Variants in ABTB2 observed in about 807,000 individuals in gnomAD.
ABTB2 encodes the protein ankyrin repeat and BTB domain containing 2.
A neutral mutation model predicts 104.1 loss-of-function variants in ABTB2; 56 were observed. The observed-to-expected ratio is 0.54, with a 90% CI of 0.43 to 0.67. The LOEUF (loss-of-function observed/expected upper bound fraction) is 0.67, where lower values mean the gene tolerates loss of function less well. Ranked by LOEUF, ABTB2 falls within the 30% of genes least tolerant of loss-of-function variation. The pLI, the probability that ABTB2 is intolerant of heterozygous loss-of-function variation, is 0.00. For synonymous variants in ABTB2, 606 were observed against 608.2 expected (o/e 1.00, Z 0.05); for missense variants, 1,279 against 1,407.7 (o/e 0.91, Z 1.46).
chr11:34,234,606 T>C (rs6484702), intron 1 of ABTB2, among the ~76,000 whole-genome samples: 42,622 of 152,068 alleles, frequency 0.28, 6,420 homozygotes, highest in Non-Finnish European at 0.35. Context: ...CAGCTCTGGC[T>C]CCGCCTCTCA....
At position 34,297,926 on chromosome 11, in the gene ABTB2, G is replaced by C. The variant is rs1007996527; in HGVS notation, c.883+58775C>G. 4.6e-5 allele frequency among the ~76,000 whole-genome samples: 7 copies of C among 151,954 alleles called. No individual in the cohort carries two copies. The East Asian group carries it at 5.8e-4, about 13-fold the overall frequency. ...GGGGATTAAGGCCCTTATAAAAGAG[G>C]CTTCCCAGGGACATTGGGCTATCCT... On this transcript the variant is annotated intron_variant, in intron 1 of 16. Coordinates refer to ENST00000435224, the MANE Select transcript of ABTB2 (RefSeq NM_145804.3).
chr11:34,282,882 T>C (rs952558930), intron 1 of ABTB2, among the ~76,000 whole-genome samples: 14 of 151,390 alleles, frequency 9.2e-5, no homozygotes, highest in Non-Finnish European at 1.9e-4. Context: ...CTATGTTGAA[T>C]GCATTAGTTA....
chr11:34,171,855 G>A (rs1429862937), intron 4 of ABTB2, among the ~76,000 whole-genome samples: 1 of 152,174 alleles, frequency 6.6e-6, no homozygotes, highest in Non-Finnish European at 1.5e-5. Flanking sequence ...CCAAAGAGAT[G>A]GTAGAGAGTA....
intron 1 of ABTB2, among the ~76,000 whole-genome samples, chr11:34,304,876 C>T (rs966222497): frequency 6.6e-6 from 1 of 152,230 alleles, no homozygotes; most frequent in Non-Finnish European, 1.5e-5. Context: ...GGCTGCCACT[C>T]TCTTCCAAGG....
chr11:34,285,478 A>T (rs1854494482), intron 1 of ABTB2, among the ~76,000 whole-genome samples: 1 of 152,136 alleles, frequency 6.6e-6, no homozygotes, highest in Non-Finnish European at 1.5e-5. Context: ...AGGCCTTCTT[A>T]ACCACAAAGG....
At chr11:34,235,938 T>C (rs548946266) in intron 1 of ABTB2, among the ~76,000 whole-genome samples, 3 of 152,320 alleles carry the variant, frequency 2.0e-5, no homozygotes, top group South Asian at 2.1e-4. Context: ...GACAGCTGTG[T>C]GGTCTGGGCA....
At chr11:34,311,707 T>C (rs1327989314) in intron 1 of ABTB2, among the ~76,000 whole-genome samples, 1 of 152,232 alleles carries the variant, frequency 6.6e-6, no homozygotes. Flanking sequence ...CCCCAGTTAC[T>C]AGTATTCTTT....
chr11:34,295,047 G>A (rs1015807616), intron 1 of ABTB2, among the ~76,000 whole-genome samples: 84 of 152,142 alleles, frequency 5.5e-4, no homozygotes, highest in Non-Finnish European at 2.2e-4. Context: ...AGCCAGGCAT[G>A]GAGGTGCAAG....
intron 1 of ABTB2, among the ~76,000 whole-genome samples, chr11:34,247,578 A>G (rs931746697): frequency 2.6e-5 from 4 of 152,232 alleles, no homozygotes; most frequent in African/African-American, 9.6e-5. Context: ...ATTTTGATTT[A>G]TATTTTCAAT....
At chr11:34,210,452 A>G (rs776395139) in intron 1 of ABTB2, among the ~76,000 whole-genome samples, 3 of 152,148 alleles carry the variant, frequency 2.0e-5, no homozygotes, top group Admixed American at 6.5e-5. Flanking sequence ...ATACACACAC[A>G]CAACTTTAAA....
chr11:34,346,832 C>T (rs766801070), intron 1 of ABTB2, among the ~76,000 whole-genome samples: 32 of 152,126 alleles, frequency 2.1e-4, no homozygotes, highest in Non-Finnish European at 4.1e-4. Context: ...TGGATTGTTC[C>T]GGATGCTTGT....
At chr11:34,280,752 T>A (rs933696720) in intron 1 of ABTB2, among the ~76,000 whole-genome samples, 7 of 152,148 alleles carry the variant, frequency 4.6e-5, no homozygotes, top group Admixed American at 4.6e-4. Flanking sequence ...AAGTATCTAA[T>A]CCCTGTTTAA....
At chr11:34,349,145 T>C (rs949882066) in intron 1 of ABTB2, among the ~76,000 whole-genome samples, 4 of 152,212 alleles carry the variant, frequency 2.6e-5, no homozygotes, top group Non-Finnish European at 4.4e-5. Flanking sequence ...TGTGTTTACA[T>C]GACAGGCCAG....
At position 34,160,772 on chromosome 11, in the gene ABTB2, C is replaced by T. The variant is rs566211081; in HGVS notation, c.2397+131G>A. The T allele has an allele frequency of 1.5e-4, 146 of 954,142 alleles. No individual in the cohort carries two copies. In the African/African-American group the frequency reaches 2.1e-3, roughly 14 times the overall value. The allele number at this position is 954,142 out of a possible 1,614,324, so 59.1% of individuals were successfully genotyped here. ...GGGGTCCCTGGGTGCTGAGGGCAGG[C>T]GTGTGAGTGTGTGTGCGTTGGGTGA... On this transcript the variant is annotated intron_variant, in intron 11 of 16. Transcript: ENST00000435224.
chr11:34,297,671 C>T (rs1854637192), intron 1 of ABTB2, among the ~76,000 whole-genome samples: 1 of 148,126 alleles, frequency 6.8e-6, no homozygotes, highest in South Asian at 2.1e-4. Flanking sequence ...GAGGCTGAGG[C>T]AGAAGAATTG....
intron 1 of ABTB2, among the ~76,000 whole-genome samples, chr11:34,215,949 T>TA (rs557784648): frequency 2.0e-5 from 3 of 151,790 alleles, no homozygotes; most frequent in Non-Finnish European, 4.4e-5. Context: ...CACAGTGATT[T>TA]AAAAAAAAAT....
chr11:34,268,023 C>T (rs1464589126), intron 1 of ABTB2, among the ~76,000 whole-genome samples: 7 of 152,272 alleles, frequency 4.6e-5, no homozygotes, highest in African/African-American at 7.2e-5. Context: ...CTCTGCTTCC[C>T]GGGCTGAAGT....
intron 1 of ABTB2, among the ~76,000 whole-genome samples, chr11:34,266,911 C>A (rs938945052): frequency 5.3e-5 from 8 of 150,298 alleles, no homozygotes; most frequent in Non-Finnish European, 8.9e-5. Flanking sequence ...GATAAATGGA[C>A]ACAACAGTCC....
chr11:34,311,200 C>T (rs1435664238), intron 1 of ABTB2, among the ~76,000 whole-genome samples: 2 of 152,208 alleles, frequency 1.3e-5, no homozygotes, highest in East Asian at 1.9e-4. Context: ...GCTTGTCAGG[C>T]CCCGGAAGGG....
Sources: gnomAD v4.1 joint callset for allele counts (sites outside exome capture counted in the v4.1 genomes callset) on GRCh38, gnomAD v4.1.1 for gene constraint, MANE v1.5 for transcripts, NCBI Gene and HGNC (gene_info 2026-07-23, HGNC 2026-07-21) for gene names.